The following SGCD variants were observed in gnomAD, a reference collection of about 807,000 sequenced individuals.
The protein encoded by SGCD is delta-sarcoglycan.
In SGCD, 18 loss-of-function variants were observed where a neutral mutation model predicts 36.6. The ratio of observed to expected loss-of-function variants is 0.49; its 90% CI spans 0.34 to 0.73. SGCD has a LOEUF of 0.73. Among genes scored for constraint, SGCD ranks in the 30% least tolerant of loss-of-function variants. The probability of loss-of-function intolerance (pLI) is 0.01; values close to 1 mark genes in which losing one functional copy is unlikely to be tolerated. For synonymous variants in SGCD, 133 were observed against 130.6 expected (o/e 1.02, Z -0.12); for missense variants, 387 against 346.7 (o/e 1.12, Z -0.92).
chr5:156,213,676 A>C (rs986407694), intron 3 of SGCD, among the ~76,000 whole-genome samples: 2 of 152,074 alleles, frequency 1.3e-5, no homozygotes, highest in East Asian at 1.9e-4. Context: ...AAATTTAAAA[A>C]TACAGGACAG....
intron 3 of SGCD, among the ~76,000 whole-genome samples, chr5:156,449,513 A>G (rs1581010814): frequency 1.3e-5 from 2 of 151,868 alleles, no homozygotes; most frequent in East Asian, 3.9e-4. Context: ...ATTTACTAGG[A>G]GGAGGAAAAG....
At chr5:156,337,787 A>T (rs1220463904) in intron 2 of SGCD, among the ~76,000 whole-genome samples, 1 of 152,142 alleles carries the variant, frequency 6.6e-6, no homozygotes, top group Non-Finnish European at 1.5e-5. Context: ...GAAGGCCTTT[A>T]TCTCTAGGAC....
intron 1 of SGCD, among the ~76,000 whole-genome samples, chr5:155,977,226 C>G (rs1284112429): frequency 6.6e-6 from 1 of 152,124 alleles, no homozygotes; most frequent in Non-Finnish European, 1.5e-5. Context: ...TGATTCCTGC[C>G]GCCCATTTAG....
chr5:156,006,621 C>T (rs1307611679), intron 1 of SGCD, among the ~76,000 whole-genome samples: 3 of 152,282 alleles, frequency 2.0e-5, no homozygotes, highest in African/African-American at 7.2e-5. Context: ...TAACATCTGC[C>T]ACCCCTAGAT....
In SGCD at chr5:156,531,900, A is replaced by G. The variant is rs944952521; in HGVS notation, c.294+23198A>G. 2.0e-5 allele frequency among the ~76,000 whole-genome samples: 3 copies of G among 152,062 alleles called. 1 individual carries two copies. The highest frequency in any genetic ancestry group is 4.2e-4 in the South Asian group (2 of 4,814). ...GAGGTGGGCAGATCACCTGAGGTTA[A>G]GAGTTCGAGACCAGCCTGGCCAACA... On this transcript the variant is annotated intron_variant, in intron 4 of 8. Coordinates refer to ENST00000337851, the MANE Select transcript of SGCD (RefSeq NM_000337.6).
chr5:156,276,235 G>C (rs1175430249), intron 3 of SGCD, among the ~76,000 whole-genome samples: 2 of 152,072 alleles, frequency 1.3e-5, no homozygotes, highest in Admixed American at 1.3e-4. Context: ...ATAGCTGCTG[G>C]GTTTCTCTAC....
rs752841621 is a variant in SGCD, at chr5:156,594,922, T to C, written c.383-10T>C. On this transcript the variant is annotated splice_polypyrimidine_tract_variant and intron_variant, in intron 5 of 8. Coordinates refer to ENST00000337851, the MANE Select transcript of SGCD (RefSeq NM_000337.6). ...TCCTCTCTATCTCTCTATCTCTCTA[T>C]ATCTCTCAGGTCCAAAAGCCGTAGA... 1.3e-6 allele frequency: 2 copies of C among 1,576,074 alleles called. No homozygotes were observed. Among genetic ancestry groups the C allele is most frequent in the Non-Finnish European group, 1.7e-6 (2 of 1,150,146 alleles).
chr5:155,849,928 T>C, the SGCD span, among the ~76,000 whole-genome samples: 5 of 152,232 alleles, frequency 3.3e-5, no homozygotes, highest in African/African-American at 1.2e-4. Flanking sequence ...ATTATTCTAA[T>C]TCACTACATT....
At chr5:155,896,310 C>T (rs1334293403) in intron 1 of SGCD, among the ~76,000 whole-genome samples, 2 of 151,922 alleles carry the variant, frequency 1.3e-5, no homozygotes, top group Non-Finnish European at 2.9e-5. Context: ...AAATGAAACT[C>T]CCTTTTAAAA....
intron 2 of SGCD, among the ~76,000 whole-genome samples, chr5:156,330,071 G>A (rs553922705): frequency 1.3e-5 from 2 of 148,998 alleles, no homozygotes; most frequent in Admixed American, 6.7e-5. Context: ...ATCGTTGGTT[G>A]TACATGTGTT....
chr5:156,756,398 A>G (rs192399023), intron 7 of SGCD, among the ~76,000 whole-genome samples: 46 of 152,282 alleles, frequency 3.0e-4, no homozygotes, highest in African/African-American at 1.0e-3. Context: ...AAATTTAAAA[A>G]TTAGCTGCCC....
chr5:156,130,430 G>T (rs1301466171), intron 3 of SGCD, among the ~76,000 whole-genome samples: 1 of 152,124 alleles, frequency 6.6e-6, no homozygotes, highest in African/African-American at 2.4e-5. Flanking sequence ...CCATTCTGTA[G>T]GTTGTTTACT....
At chr5:156,099,842 T>A (rs1022658399) in intron 1 of SGCD, among the ~76,000 whole-genome samples, 1 of 152,136 alleles carries the variant, frequency 6.6e-6, no homozygotes, top group Non-Finnish European at 1.5e-5. Context: ...ACTAAGTTTG[T>A]AGTAATTTGT....
At chr5:155,732,027 A>G in the SGCD span, among the ~76,000 whole-genome samples, 1 of 152,234 alleles carries the variant, frequency 6.6e-6, no homozygotes, top group East Asian at 1.9e-4. Flanking sequence ...AGCCCAAGGA[A>G]GTTGCTCAGC....
chr5:156,075,974 T>G (rs1019554495), intron 1 of SGCD, among the ~76,000 whole-genome samples: 2 of 152,204 alleles, frequency 1.3e-5, no homozygotes, highest in Non-Finnish European at 2.9e-5. Context: ...TCTTTTTTAT[T>G]ACTCCAAAAC....
At chr5:156,171,508 C>T (rs1188871832) in intron 3 of SGCD, among the ~76,000 whole-genome samples, 1 of 152,088 alleles carries the variant, frequency 6.6e-6, no homozygotes, top group East Asian at 1.9e-4. Flanking sequence ...TCTTGGAACA[C>T]AAGGACATTA....
At chr5:156,515,719 C>G (rs1757129858) in intron 4 of SGCD, among the ~76,000 whole-genome samples, 1 of 152,246 alleles carries the variant, frequency 6.6e-6, no homozygotes, top group South Asian at 2.1e-4. Flanking sequence ...TGCAGACTCT[C>G]AGCAGCTGCT....
chr5:156,061,885 A>G (rs1581071150), intron 1 of SGCD, among the ~76,000 whole-genome samples: 2 of 141,914 alleles, frequency 1.4e-5, no homozygotes, highest in Admixed American at 7.1e-5. Flanking sequence ...ATTGGCAGGT[A>G]AAAGATATTT....
At chr5:156,325,708 T>C (rs1767788592), upstream of SGCD, among the ~76,000 whole-genome samples, 1 of 152,188 alleles carries the variant, frequency 6.6e-6, no homozygotes. Flanking sequence ...GTCATCTCAT[T>C]TGTCTGGGCC....
Sources: allele counts gnomAD v4.1 joint callset (sites outside exome capture counted in the v4.1 genomes callset), GRCh38; gene constraint gnomAD v4.1.1; transcripts MANE v1.5; gene names NCBI Gene and HGNC (gene_info 2026-07-23, HGNC 2026-07-21).